The following LRRTM4 variants were observed in gnomAD, a reference collection of about 807,000 sequenced individuals.
LRRTM4 encodes leucine rich repeat transmembrane neuronal 4.
A neutral mutation model predicts 47.6 loss-of-function variants in LRRTM4; 25 were observed. The observed-to-expected ratio is 0.53, with a 90% CI of 0.38 to 0.73. LRRTM4 has a LOEUF of 0.73. Ranked by LOEUF, LRRTM4 falls within the 30% of genes least tolerant of loss-of-function variation. LRRTM4 has a pLI of 0.00. For missense variants in LRRTM4, 638 were observed against 713.4 expected (o/e 0.89, Z 1.20); for synonymous variants, 311 against 269.5 (o/e 1.15, Z -1.51).
At chr2:77,003,788 G>C (rs906997416) in intron 3 of LRRTM4, among the ~76,000 whole-genome samples, 2 of 151,430 alleles carry the variant, frequency 1.3e-5, no homozygotes, top group Non-Finnish European at 2.9e-5. Flanking sequence ...GGCAGAGGTT[G>C]CAACAGATTG....
chr2:77,315,127 C>G (rs1226918295), intron 3 of LRRTM4, among the ~76,000 whole-genome samples: 1 of 152,148 alleles, frequency 6.6e-6, no homozygotes, highest in Non-Finnish European at 1.5e-5. Context: ...TCTATTTGTA[C>G]ACTGTTGCAT....
At chr2:77,089,429 G>GC (rs1001739414) in intron 3 of LRRTM4, among the ~76,000 whole-genome samples, 8 of 149,156 alleles carry the variant, frequency 5.4e-5, no homozygotes, top group African/African-American at 2.0e-4. Flanking sequence ...TTATTTCCGC[G>GC]CCCCAACCTC....
chr2:76,778,536 G>C (rs1674162949), intron 3 of LRRTM4, among the ~76,000 whole-genome samples: 1 of 151,104 alleles, frequency 6.6e-6, no homozygotes, highest in Non-Finnish European at 1.5e-5. Context: ...AGATTTTCTA[G>C]TTTATTTGCG....
chr2:76,782,961 T>C (rs753495091), intron 3 of LRRTM4, among the ~76,000 whole-genome samples: 7 of 152,196 alleles, frequency 4.6e-5, no homozygotes, highest in Non-Finnish European at 1.0e-4. Flanking sequence ...TATTCAAAGA[T>C]TGTAGATTTC....
At chr2:76,847,699 A>G (rs1243723047) in intron 3 of LRRTM4, among the ~76,000 whole-genome samples, 1 of 150,476 alleles carries the variant, frequency 6.6e-6, no homozygotes, top group East Asian at 2.0e-4. Context: ...TTATTTGTAA[A>G]CATTCCATAG....
chr2:76,785,802 A>G (rs1674640184), intron 3 of LRRTM4, among the ~76,000 whole-genome samples: 1 of 152,142 alleles, frequency 6.6e-6, no homozygotes. Flanking sequence ...GCTTTAAGCC[A>G]TCATGTTCTT....
chr2:77,309,623 G>A (rs1677389648), intron 3 of LRRTM4, among the ~76,000 whole-genome samples: 1 of 152,026 alleles, frequency 6.6e-6, no homozygotes, highest in Admixed American at 6.6e-5. Context: ...CCACTGCACT[G>A]AGCAACATGA....
chr2:77,454,560 G>A (rs531334216), intron 3 of LRRTM4, among the ~76,000 whole-genome samples: 9 of 152,124 alleles, frequency 5.9e-5, no homozygotes, highest in East Asian at 5.8e-4. Context: ...CAGGTTTAGC[G>A]TAAATCCCCA....
At position 77,092,660 on chromosome 2, in the gene LRRTM4, C is replaced by T. The variant is rs978336542; in HGVS notation, c.1552-343744G>A. On this transcript the variant is annotated intron_variant, in intron 3 of 3. Transcript: ENST00000409884. ...AAATACCTCTTAGTCTAGGTAGATA[C>T]TTTCACTGGATAGGTACAGGCCTTT... is the stretch of plus-strand genomic sequence containing the variant. 9.0e-5 allele frequency among the ~76,000 whole-genome samples: 13 copies of T among 144,808 alleles called. No homozygotes were observed. The South Asian group carries it at 2.6e-3, about 29-fold the overall frequency. 95.0% of individuals were successfully genotyped at this position (144,808 alleles called of 152,430 possible).
chr2:77,042,195 G>A (rs1679057476), intron 3 of LRRTM4, among the ~76,000 whole-genome samples: 1 of 151,322 alleles, frequency 6.6e-6, no homozygotes, highest in South Asian at 2.1e-4. Flanking sequence ...ATATAAGAAT[G>A]TCCTTGTTTT....
chr2:76,795,945 T>G (rs1675285581), intron 3 of LRRTM4, among the ~76,000 whole-genome samples: 1 of 150,818 alleles, frequency 6.6e-6, no homozygotes, highest in African/African-American at 2.4e-5. Flanking sequence ...TGGGCGCAGG[T>G]CAGTGGGTGC....
At position 77,441,459 on chromosome 2, in the gene LRRTM4, G is replaced by T. The variant is rs148849078; in HGVS notation, c.1551+76859C>A. ...AATCACCTAATAAGTTTATACTTCT[G>T]CTGTTCGATATTTACAGAAGAGGAC... On this transcript the variant is annotated intron_variant, in intron 3 of 3. Coordinates refer to ENST00000409884, the MANE Select transcript of LRRTM4 (RefSeq NM_001134745.3). Among the ~76,000 whole-genome samples, 54 of 152,162 alleles carry T rather than the reference G, an allele frequency of 3.5e-4. No homozygotes were observed. The East Asian group carries it at 8.5e-3, about 24-fold the overall frequency.
At chr2:77,422,581 GA>G (rs1281176519) in intron 3 of LRRTM4, among the ~76,000 whole-genome samples, 1 of 152,110 alleles carries the variant, frequency 6.6e-6, no homozygotes, top group Non-Finnish European at 1.5e-5. Flanking sequence ...ATAATAAGCA[GA>G]AAACAATTTA....
At chr2:77,089,514 C>G (rs1463627598) in intron 3 of LRRTM4, among the ~76,000 whole-genome samples, 1 of 151,794 alleles carries the variant, frequency 6.6e-6, no homozygotes, top group African/African-American at 2.4e-5. Flanking sequence ...ATTTCCATGC[C>G]CTGACCTCTT....
intron 3 of LRRTM4, among the ~76,000 whole-genome samples, chr2:77,052,740 G>C (rs1387955997): frequency 6.6e-6 from 1 of 151,860 alleles, no homozygotes; most frequent in Non-Finnish European, 1.5e-5. Flanking sequence ...GTGTGTGCAA[G>C]TATCCTCGTG....
chr2:77,346,410 G>T (rs146731753), intron 3 of LRRTM4, among the ~76,000 whole-genome samples: 4 of 151,978 alleles, frequency 2.6e-5, no homozygotes, highest in African/African-American at 9.7e-5. Flanking sequence ...AATTTAAAAG[G>T]TATATTTGCC....
chr2:77,083,204 G>C (rs918895894), intron 3 of LRRTM4, among the ~76,000 whole-genome samples: 18 of 152,092 alleles, frequency 1.2e-4, no homozygotes, highest in African/African-American at 4.3e-4. Flanking sequence ...GAAGGACAAA[G>C]GCTACAAAAT....
At chr2:77,402,984 A>G (rs936519129) in intron 3 of LRRTM4, among the ~76,000 whole-genome samples, 4 of 151,960 alleles carry the variant, frequency 2.6e-5, no homozygotes, top group African/African-American at 9.7e-5. Context: ...ATTTCCCACT[A>G]TCTTTATTGT....
chr2:77,216,965 C>T (rs545746694), intron 3 of LRRTM4, among the ~76,000 whole-genome samples: 136 of 150,994 alleles, frequency 9.0e-4, no homozygotes, highest in African/African-American at 3.1e-3. Flanking sequence ...CCCAGCTACT[C>T]GGGAGGCTGA....
Sources: gnomAD v4.1 joint callset for allele counts (sites outside exome capture counted in the v4.1 genomes callset) on GRCh38, gnomAD v4.1.1 for gene constraint, MANE v1.5 for transcripts, NCBI Gene and HGNC (gene_info 2026-07-23, HGNC 2026-07-21) for gene names.